EYS: variants seen among roughly 807,000 people sequenced by gnomAD.
EYS encodes EGF-like photoreceptor maintenance factor.
EYS carries 250 observed loss-of-function variants against 282.1 expected under a neutral mutation model. That is an observed-to-expected ratio of 0.89 (90% CI 0.80 to 0.98). The LOEUF (loss-of-function observed/expected upper bound fraction) is 0.98, where lower values mean the gene tolerates loss of function less well. Ranked by LOEUF, EYS falls within the 50% of genes least tolerant of loss-of-function variation. The pLI is 0.00. For synonymous variants in EYS, 1,355 were observed against 1,282.9 expected (o/e 1.06, Z -1.20); for missense variants, 4,016 against 3,709.0 (o/e 1.08, Z -2.15).
intron 5 of EYS, 53 bp downstream of exon 5, chr6:65,490,541 A>G (rs1461770910): frequency 1.1e-6 from 1 of 939,378 alleles, no homozygotes; most frequent in East Asian, 2.6e-5. Flanking sequence ...TGAAATACAT[A>G]GATAAAATTA....
At chr6:64,440,517 G>T (rs1406785371) in intron 26 of EYS, among the ~76,000 whole-genome samples, 1 of 151,898 alleles carries the variant, frequency 6.6e-6, no homozygotes, top group Non-Finnish European at 1.5e-5. Flanking sequence ...CATTAGTGAA[G>T]GACAAGTTAA....
chr6:65,013,714 T>G (rs1771953737), intron 13 of EYS, among the ~76,000 whole-genome samples: 1 of 151,908 alleles, frequency 6.6e-6, no homozygotes, highest in Non-Finnish European at 1.5e-5. Context: ...CTAGAGGTGG[T>G]GAAGAGATGG....
chr6:63,970,604 C>G (rs1382058228), intron 35 of EYS, among the ~76,000 whole-genome samples: 1 of 150,398 alleles, frequency 6.6e-6, no homozygotes, highest in Non-Finnish European at 1.5e-5. Context: ...CGCTGCACTC[C>G]AGCCTGGGGG....
At chr6:64,572,461 T>C (rs1765757209) in intron 26 of EYS, among the ~76,000 whole-genome samples, 1 of 152,170 alleles carries the variant, frequency 6.6e-6, no homozygotes. Context: ...GGAAGTCAAA[T>C]TGTCTGTGTC....
chr6:64,655,490 T>C (rs906719199), intron 22 of EYS, among the ~76,000 whole-genome samples: 2 of 152,114 alleles, frequency 1.3e-5, no homozygotes, highest in South Asian at 2.1e-4. Flanking sequence ...ATTTTAGCCC[T>C]TCATTGTGGA....
At chr6:64,123,449 G>A (rs1773657597) in intron 31 of EYS, among the ~76,000 whole-genome samples, 1 of 152,112 alleles carries the variant, frequency 6.6e-6, no homozygotes, top group South Asian at 2.1e-4. Context: ...CTCTAAACAA[G>A]CATGGGTAAA....
chr6:65,582,520 T>A (rs1366861718), intron 2 of EYS, among the ~76,000 whole-genome samples: 1 of 152,144 alleles, frequency 6.6e-6, no homozygotes, highest in Non-Finnish European at 1.5e-5. Flanking sequence ...TTTCTGCATG[T>A]CATTCTGAAC....
intron 12 of EYS, among the ~76,000 whole-genome samples, chr6:65,294,524 A>T (rs1014043913): frequency 3.3e-5 from 5 of 151,918 alleles, no homozygotes; most frequent in African/African-American, 1.2e-4. Context: ...ATATGTGGTA[A>T]AACTATATAG....
At chr6:65,180,196 T>A (rs996379063) in intron 12 of EYS, among the ~76,000 whole-genome samples, 1 of 152,034 alleles carries the variant, frequency 6.6e-6, no homozygotes, top group East Asian at 1.9e-4. Context: ...CTGTTGGAAG[T>A]TCTGGCCAGG....
At chr6:65,013,582 A>T (rs1771949072) in intron 13 of EYS, among the ~76,000 whole-genome samples, 1 of 152,130 alleles carries the variant, frequency 6.6e-6, no homozygotes, top group Non-Finnish European at 1.5e-5. Context: ...CCCTCACTTT[A>T]AATGTGGGTG....
chr6:64,211,030 A>G (rs1765751072), intron 31 of EYS, among the ~76,000 whole-genome samples: 2 of 152,064 alleles, frequency 1.3e-5, no homozygotes, highest in Non-Finnish European at 1.5e-5. Context: ...TGAGAGTTAC[A>G]CCATCAACTT....
intron 11 of EYS, among the ~76,000 whole-genome samples, chr6:65,324,579 C>A (rs1247531412): frequency 2.0e-5 from 3 of 152,142 alleles, no homozygotes; most frequent in Non-Finnish European, 4.4e-5. Flanking sequence ...CTCGGAAGAT[C>A]ACTCTAGCAT....
intron 40 of EYS, among the ~76,000 whole-genome samples, chr6:63,775,128 A>G (rs12210119): frequency 0.013 from 1,920 of 152,330 alleles, 16 homozygotes; most frequent in Middle Eastern, 0.024. Flanking sequence ...CATTTGAGAA[A>G]TTCCATTAGA....
At chr6:64,915,893 T>G (rs1233906454) in intron 15 of EYS, among the ~76,000 whole-genome samples, 1 of 152,166 alleles carries the variant, frequency 6.6e-6, no homozygotes, top group Non-Finnish European at 1.5e-5. Flanking sequence ...AATCCAGATC[T>G]CCTCCTCTCA....
At chr6:64,433,766 T>C (rs12174809) in intron 28 of EYS, among the ~76,000 whole-genome samples, 42,090 of 151,870 alleles carry the variant, frequency 0.28, 5,963 homozygotes, top group East Asian at 0.46. Flanking sequence ...CTTAAACATC[T>C]AATGTTTCTT....
chr6:64,835,980 C>T (rs1310822416), intron 19 of EYS, among the ~76,000 whole-genome samples: 1 of 151,498 alleles, frequency 6.6e-6, no homozygotes, highest in African/African-American at 2.4e-5. Flanking sequence ...GGTCAAATGC[C>T]TCCCTTTCCT....
intron 22 of EYS, among the ~76,000 whole-genome samples, chr6:64,802,486 T>A (rs1254948224): frequency 6.6e-6 from 1 of 152,160 alleles, no homozygotes; most frequent in East Asian, 1.9e-4. Context: ...TATAAATAAA[T>A]ACTGTAAGAT....
intron 8 of EYS, among the ~76,000 whole-genome samples, chr6:65,358,500 T>G (rs920414646): frequency 1.3e-5 from 2 of 151,796 alleles, no homozygotes; most frequent in African/African-American, 4.8e-5. Context: ...GATTATAAAC[T>G]CAAAGCTTTA....
At chr6:64,857,062 C>T (rs1293697631) in intron 19 of EYS, among the ~76,000 whole-genome samples, 1 of 152,012 alleles carries the variant, frequency 6.6e-6, no homozygotes. Flanking sequence ...TGCCTTTGCT[C>T]TTTGTAAATG....
Sources: gnomAD v4.1 joint callset for allele counts (sites outside exome capture counted in the v4.1 genomes callset) on GRCh38, gnomAD v4.1.1 for gene constraint, MANE v1.5 for transcripts, NCBI Gene and HGNC (gene_info 2026-07-23, HGNC 2026-07-21) for gene names.